Variants in KMT2D observed in about 807,000 individuals in gnomAD.
KMT2D encodes lysine methyltransferase 2D.
A neutral mutation model predicts 512.7 loss-of-function variants in KMT2D; 55 were observed. The ratio of observed to expected loss-of-function variants is 0.11; its 90% CI spans 0.09 to 0.13. The LOEUF (loss-of-function observed/expected upper bound fraction) is 0.13, where lower values mean the gene tolerates loss of function less well. KMT2D is among the 10% of genes least tolerant of loss of function. The pLI is 1.00. For synonymous variants in KMT2D, 2,995 were observed against 2,904.0 expected (o/e 1.03, Z -1.01); for missense variants, 6,061 against 7,127.9 (o/e 0.85, Z 5.39).
chr12:49,052,852 G>C (rs534623353), intron 9 of KMT2D, 63 bp downstream of exon 9: 1 of 1,603,468 alleles, frequency 6.2e-7, no homozygotes, highest in Non-Finnish European at 8.5e-7. Context: ...ATTTAACAAG[G>C]CCCCTGCCAA....
At chr12:49,058,976 G>C (rs559031638) in intron 1 of KMT2D, among the ~76,000 whole-genome samples, 2 of 152,088 alleles carry the variant, frequency 1.3e-5, no homozygotes, top group East Asian at 1.9e-4. Flanking sequence ...GCCAGGCAGG[G>C]GCAGTTTAAA....
Position 49,052,690 on chromosome 12 carries a change from C to T in KMT2D, c.1132G>A (p.Gly378Ser). 6.2e-7 allele frequency: 1 copy of T among 1,613,728 alleles called. No homozygotes were observed. Among genetic ancestry groups the T allele is most frequent in the Non-Finnish European group, 8.5e-7 (1 of 1,179,746 alleles). ...TCGGGCTCGTCAGTGGGGGTATCGCCAGGCTCTGGGGGTGAAAATCTGCAG... is the reference window on the plus strand; with the variant it reads ...TCGGGCTCGTCAGTGGGGGTATCGCTAGGCTCTGGGGGTGAAAATCTGCAG... Reference protein sequence around the residue: ...VCSRFSPPEPGDTPTDEPDAL... With the variant: ...VCSRFSPPEPSDTPTDEPDAL... The change falls in exon 10 of 55, where the codon GGC becomes AGC. Residue 378 changes from glycine (G) to serine (S), a missense_variant. Transcript: ENST00000301067.
At position 49,054,560 on chromosome 12, in the gene KMT2D, C is replaced by A. The variant is rs1938285649; in HGVS notation, c.368G>T (p.Gly123Val). 6.2e-7 allele frequency: 1 copy of A among 1,612,434 alleles called. No homozygotes were observed. The highest frequency in any genetic ancestry group is 8.5e-7 in the Non-Finnish European group (1 of 1,179,210). ...EDLSQIGFPE[G>V]LTPAHLGEPG... ...TTCTCCTAGGTGGGCAGGTGTAAGG[C>A]CCTCAGGGAAACCAATCTGTGATAG... is the stretch of plus-strand genomic sequence containing the variant. Residue 123 changes from glycine to valine, a missense_variant, in exon 4 of 55, where the codon GGC becomes GTC. Gly to Val is a moderately radical substitution (Grantham distance 109). Transcript: ENST00000301067. The surrounding 1 kb of genome is among the most constrained non-coding windows in gnomAD (Gnocchi z 6.4).
chr12:49,020,119 A>C lies in KMT2D; in HGVS notation c.*1661T>G. 5.3e-6 allele frequency: 1 copy of C among 187,636 alleles called. No individual in the cohort carries two copies. The highest frequency in any genetic ancestry group is 1.1e-5 in the Non-Finnish European group (1 of 88,812). The allele number at this position is 187,636 out of a possible 1,614,324, so 11.6% of individuals were successfully genotyped here. On this transcript the variant is annotated 3_prime_UTR_variant, in exon 55 of 55. Coordinates refer to ENST00000301067, the MANE Select transcript of KMT2D (RefSeq NM_003482.4). ...CCAGGAAGAGGTTCAACTGCAGCAC[A>C]AGCTTGGGCAGAAAGGGGAAGGAAA... is the stretch of plus-strand genomic sequence containing the variant.
rs201320412 is a variant in KMT2D, at chr12:49,022,248, C to T, written c.16412+32G>A. 233 of 1,587,924 alleles carry T rather than the reference C, an allele frequency of 1.5e-4. 2 individuals are homozygous for T. In the East Asian group the frequency reaches 3.0e-3, roughly 21 times the overall value. Reference sequence around the variant, plus strand: ...CCCCCAGAGTGCCACTCTCAGGGACCACTAAATCCCTCCTTCCTCGTCATC... The same window carrying T: ...CCCCCAGAGTGCCACTCTCAGGGACTACTAAATCCCTCCTTCCTCGTCATC... On this transcript the variant is annotated intron_variant, in intron 53 of 54. Coordinates refer to ENST00000301067, the MANE Select transcript of KMT2D (RefSeq NM_003482.4). The surrounding 1 kb of genome is among the most constrained non-coding windows in gnomAD (Gnocchi z 8.6).
In KMT2D at chr12:49,020,636, C is replaced by G. The variant is rs1407907085; in HGVS notation, c.*1144G>C. ...CCCCCACATCACCACCCCTTCCCAC[C>G]AGACCAGCAGCAGTTTGGTGACTGA... On this transcript the variant is annotated 3_prime_UTR_variant, in exon 55 of 55. Transcript: ENST00000301067. The G allele has an allele frequency of 4.8e-6, 1 of 206,340 alleles. No homozygotes were observed. The highest frequency in any genetic ancestry group is 9.9e-6 in the Non-Finnish European group (1 of 101,084). 12.8% of individuals were successfully genotyped at this position (206,340 alleles called of 1,614,324 possible).
At chr12:49,036,528 G>C (rs933511957) in intron 35 of KMT2D, among the ~76,000 whole-genome samples, 1 of 112,320 alleles carries the variant, frequency 8.9e-6, no homozygotes, top group African/African-American at 3.5e-5. Context: ...CGCTCTTGTT[G>C]CCCAGGCTGG....
chr12:49,047,858 C>T, intron 15 of KMT2D, 107 bp downstream of exon 15: 1 of 765,312 alleles, frequency 1.3e-6, no homozygotes, highest in Non-Finnish European at 2.3e-6. Context: ...TAATGAACAA[C>T]CATGACCGAT....
At position 49,030,962 on chromosome 12, in the gene KMT2D, G is replaced by A. The variant is rs774877750; in HGVS notation, c.13602C>T (p.Ser4534=). ...CCTCCTTCCGCAGCTTCTTTCGGGA[G>A]CTCACCAACCTGTCGCTTGCCTTCT... is the stretch of plus-strand genomic sequence containing the variant. ...RVQKASDRLV[S]SRKKLRKEDG... The change falls in exon 41 of 55, where the codon AGC becomes AGT. Residue 4534 remains serine (S), a synonymous_variant. Transcript: ENST00000301067. 6.2e-7 allele frequency: 1 copy of A among 1,613,964 alleles called. No homozygotes were observed. The highest frequency in any genetic ancestry group is 8.5e-7 in the Non-Finnish European group (1 of 1,179,872).
intron 2 of KMT2D, 68 bp from the exon 3 acceptor site, chr12:49,055,094 C>G: frequency 6.3e-7 from 1 of 1,598,206 alleles, no homozygotes; most frequent in Non-Finnish European, 8.6e-7. Context: ...ACTCACCAGA[C>G]GCATGAGATT....
rs1371040047 is a variant in KMT2D at position 49,033,263 on chromosome 12, G to GTGC, written c.11439_11441dup (p.Gln3813dup). 1.9e-6 allele frequency: 3 copies of GTGC among 1,561,522 alleles called. No individual in the cohort carries two copies. The highest frequency in any genetic ancestry group is 2.7e-5 in the African/African-American group (2 of 73,560). ...GGCCCTGGGGGCCCAAAGCTCCAGG[G>GTGC]TGCTGCTGCTGCAACACAGCCACCT... On this transcript the variant is annotated inframe_insertion, in exon 40 of 55. Transcript: ENST00000301067.
rs2120587572 is a variant in KMT2D, at chr12:49,044,782, T to A, written c.4925A>T (p.Asp1642Val). Residue 1642 changes from aspartate (D) to valine (V), a missense_variant, in exon 20 of 55, where the codon GAT (aspartate) becomes GTT (valine). Asp to Val is a radical substitution (Grantham distance 152). Transcript: ENST00000301067. This position sits in a 1 kb window ranked among gnomAD's most constrained non-coding sequence, Gnocchi z 6.4. Reference protein sequence around the residue: ...SDALGPDDKKDGDLDTDELLK... With the variant: ...SDALGPDDKKVGDLDTDELLK... Reference sequence around the variant, plus strand: ...CAGCTCATCGGTGTCCAGGTCCCCATCCTTCTTGTCATCAGGGCCAAGGGC... The same window carrying A: ...CAGCTCATCGGTGTCCAGGTCCCCAACCTTCTTGTCATCAGGGCCAAGGGC... 1 of 1,613,934 alleles carries A rather than the reference T, an allele frequency of 6.2e-7. No homozygotes were observed. Among genetic ancestry groups the A allele is most frequent in the South Asian group, 1.1e-5 (1 of 91,074 alleles).
In KMT2D at chr12:49,039,533, C is replaced by T. The variant is rs1482488651; in HGVS notation, c.8131G>A (p.Ala2711Thr). ...CTGCCTGGAGGCCCCACTGCTCCTG[C>T]AGCTGCTGCAGCTGTTTCCTTCTCC... Reference protein sequence around the residue: ...RQEKETAAAAAGAVGPPGSWG... With the variant: ...RQEKETAAAATGAVGPPGSWG... Residue 2711 changes from alanine (A) to threonine (T), a missense_variant, in exon 33 of 55, where the codon GCA becomes ACA. Physicochemically the swap from Ala to Thr is moderately conservative, Grantham distance 58 (BLOSUM62 0). Around this residue, in one of 16 missense-constraint regions of KMT2D, gnomAD observed 527 missense variants for 578.9 expected, o/e 0.91. Transcript: ENST00000301067. The surrounding 1 kb of genome is among the most constrained non-coding windows in gnomAD (Gnocchi z 5.0). The T allele has an allele frequency of 1.9e-6, 3 of 1,611,730 alleles. No homozygotes were observed. Among genetic ancestry groups the T allele is most frequent in the Admixed American group, 3.3e-5 (2 of 59,804 alleles).
At chr12:49,048,882 A>G (rs1377042204) in intron 13 of KMT2D, 113 bp from the exon 14 acceptor site, 3 of 763,122 alleles carry the variant, frequency 3.9e-6, no homozygotes, top group African/African-American at 3.4e-5. Context: ...GATGAAGGCC[A>G]AAAGCCAGGA....
intron 1 of KMT2D, among the ~76,000 whole-genome samples, chr12:49,056,838 A>C (rs1409141780): frequency 6.6e-6 from 1 of 152,158 alleles, no homozygotes. Flanking sequence ...TCAGTAAATC[A>C]ATTCCCTAAG....
At position 49,040,844 on chromosome 12, in the gene KMT2D, G is replaced by A. The variant is rs762743834; in HGVS notation, c.6926C>T (p.Ser2309Leu). 6.2e-6 allele frequency: 10 copies of A among 1,613,790 alleles called. No homozygotes were observed. The highest frequency in any genetic ancestry group is 8.5e-6 in the Non-Finnish European group (10 of 1,179,772). ...YGPPNLGFVD[S>L]PSSGTHLGGL... The stretch of plus-strand genomic sequence containing the variant: ...ACCCAGGTGGGTGCCTGAGGAGGGT[G>A]AGTCAACAAAGCCCAGGTTTGGGGG... Residue 2309 changes from serine (S) to leucine (L), a missense_variant, in exon 32 of 55, where the codon TCA becomes TTA. Physicochemically the swap from Ser to Leu is moderately radical, Grantham distance 145. Around this residue, in one of 16 missense-constraint regions of KMT2D, gnomAD observed 710 missense variants for 647.3 expected, o/e 1.10. Transcript: ENST00000301067.
At position 49,026,644 on chromosome 12, in the gene KMT2D, G is replaced by A. The variant is rs1174064870; in HGVS notation, c.15322C>T (p.Arg5108Cys). Residue 5108 changes from arginine to cysteine, a missense_variant, in exon 49 of 55, where the codon CGT becomes TGT. Physicochemically the swap from Arg to Cys is radical, Grantham distance 180. Coordinates refer to ENST00000301067, the MANE Select transcript of KMT2D (RefSeq NM_003482.4). The surrounding 1 kb of genome is among the most constrained non-coding windows in gnomAD (Gnocchi z 9.6). ...TGATSSCNRM[R>C]CPNVYHFACA... ...GCAAAATGGTAGACATTGGGGCAACGCATGCGATTGCAGCTGCTGGTGGCA... is the reference window on the plus strand; with the variant it reads ...GCAAAATGGTAGACATTGGGGCAACACATGCGATTGCAGCTGCTGGTGGCA... The A allele has an allele frequency of 6.2e-7, 1 of 1,613,904 alleles. No individual in the cohort carries two copies. Among genetic ancestry groups the A allele is most frequent in the Non-Finnish European group, 8.5e-7 (1 of 1,179,912 alleles).
At position 49,024,678 on chromosome 12, in the gene KMT2D, A is replaced by C; in HGVS notation, c.15952T>G (p.Leu5318Val). Residue 5318 changes from leucine (L) to valine (V), a missense_variant, in exon 51 of 55, where the codon TTA becomes GTA. By Grantham distance (32) the Leu-to-Val change is conservative. Transcript: ENST00000301067. The surrounding 1 kb of genome is among the most constrained non-coding windows in gnomAD (Gnocchi z 4.5). ...LPGVESCQNYLFRYGRHPLME... is the reference protein window; with the variant it reads ...LPGVESCQNYVFRYGRHPLME... ...AGGGGGTGGCGCCCATAGCGGAATAAATAGTTTTGACAGCTCTCCACCCCG... is the reference window on the plus strand; with the variant it reads ...AGGGGGTGGCGCCCATAGCGGAATACATAGTTTTGACAGCTCTCCACCCCG... 1.9e-6 allele frequency: 3 copies of C among 1,613,886 alleles called. No homozygotes were observed. Among genetic ancestry groups the C allele is most frequent in the Non-Finnish European group, 2.5e-6 (3 of 1,179,852 alleles).
Position 49,054,033 on chromosome 12 carries a change from G to A in KMT2D, c.618C>T (p.Ser206=), listed in dbSNP as rs1414427607. The change falls in exon 6 of 55, where the codon TCC becomes TCT. Residue 206 remains serine (S), a synonymous_variant. Transcript: ENST00000301067. The surrounding 1 kb of genome is among the most constrained non-coding windows in gnomAD (Gnocchi z 6.4). The part of the protein sequence containing the change: ...PCATASGSFL[S]MKTLQLLCPE... ...GGCATAGCAGCTGCAGTGTTTTCAT[G>A]GATAGGAAGGAACCGCTGGCAGTCG... The A allele has an allele frequency of 6.2e-7, 1 of 1,613,938 alleles. No individual in the cohort carries two copies. The highest frequency in any genetic ancestry group is 1.1e-5 in the South Asian group (1 of 91,080).
Sources: allele counts gnomAD v4.1 joint callset (sites outside exome capture counted in the v4.1 genomes callset), GRCh38; gene constraint gnomAD v4.1.1; regional missense constraint gnomAD v4.1.1; non-coding constraint Gnocchi (gnomAD v3.1); transcripts MANE v1.5; gene names NCBI Gene and HGNC (gene_info 2026-07-23, HGNC 2026-07-21).